PZP: variants seen among roughly 807,000 people sequenced by gnomAD.
PZP encodes PZP alpha-2-macroglobulin like.
In PZP, 150 loss-of-function variants were observed where a neutral mutation model predicts 179.8. That is an observed-to-expected ratio of 0.83 (90% CI 0.73 to 0.96). The LOEUF is 0.96. PZP is among the 40% of genes least tolerant of loss of function. PZP has a pLI of 0.00. For synonymous variants in PZP, 624 were observed against 652.3 expected (o/e 0.96, Z 0.66); for missense variants, 1,689 against 1,764.0 (o/e 0.96, Z 0.76).
the PZP span, among the ~76,000 whole-genome samples, chr12:9,143,827 G>C: frequency 6.6e-6 from 1 of 152,200 alleles, no homozygotes; most frequent in Non-Finnish European, 1.5e-5. Flanking sequence ...TCAGTGGAGA[G>C]GACATAGGAA....
the PZP span, among the ~76,000 whole-genome samples, chr12:9,138,002 G>C: frequency 6.6e-6 from 1 of 151,928 alleles, no homozygotes; most frequent in Non-Finnish European, 1.5e-5. Flanking sequence ...GATTTGGTAG[G>C]CTTTAATTTA....
chr12:9,188,621 AC>A (rs1299161842), intron 13 of PZP, among the ~76,000 whole-genome samples: 2 of 152,168 alleles, frequency 1.3e-5, no homozygotes, highest in Non-Finnish European at 2.9e-5. Context: ...TATCTAGAAA[AC>A]CCCATAGTGT....
intron 32 of PZP, among the ~76,000 whole-genome samples, 173 bp from the exon 33 acceptor site, chr12:9,151,845 C>T (rs1407542373): frequency 6.6e-6 from 1 of 152,196 alleles, no homozygotes; most frequent in Non-Finnish European, 1.5e-5. Context: ...CACATTAGAG[C>T]CTCTGGCATC....
the PZP span, among the ~76,000 whole-genome samples, chr12:9,137,945 A>G: frequency 6.6e-5 from 10 of 152,228 alleles, no homozygotes; most frequent in Non-Finnish European, 1.2e-4. Context: ...TTTAATACAT[A>G]ATATAATGGC....
chr12:9,189,448 A>T (rs1372101756), intron 13 of PZP, among the ~76,000 whole-genome samples: 1 of 152,226 alleles, frequency 6.6e-6, no homozygotes, highest in Non-Finnish European at 1.5e-5. Flanking sequence ...TAGGCAGAAG[A>T]TTGAAACTGG....
At chr12:9,179,338 GAT>G (rs1330583263) in intron 15 of PZP, among the ~76,000 whole-genome samples, 3 of 152,110 alleles carry the variant, frequency 2.0e-5, no homozygotes, top group African/African-American at 7.2e-5. Flanking sequence ...CAAGGACTGT[GAT>G]ATGTTTCCTT....
In PZP at chr12:9,166,143, G is replaced by A; in HGVS notation, c.2167C>T (p.Pro723Ser). 6.2e-7 allele frequency: 1 copy of A among 1,613,862 alleles called. No homozygotes were observed. The change falls in exon 18 of 36, where the codon CCC becomes TCC. Residue 723 changes from proline to serine, a missense_variant. Around this residue, in one of 3 missense-constraint regions of PZP, gnomAD observed 201 missense variants for 284.2 expected, o/e 0.71. Coordinates refer to ENST00000261336, the MANE Select transcript of PZP (RefSeq NM_002864.3). ...CCTGAACTTTGTTCATTATTTAAGG[G>A]TATCACATTATATGTGCCTAATTGA... ...VPQLGTYNVI[P>S]LNNEQSSGPV...
At chr12:9,160,250 C>A (rs987469446) in intron 24 of PZP, 64 bp downstream of exon 24, 9 of 1,431,122 alleles carry the variant, frequency 6.3e-6, no homozygotes, top group Non-Finnish European at 8.6e-6. Context: ...GATGATATAA[C>A]TGAAGCTTAA....
At chr12:9,206,032 G>C (rs1319884595) in intron 1 of PZP, among the ~76,000 whole-genome samples, 1 of 152,136 alleles carries the variant, frequency 6.6e-6, no homozygotes, top group Non-Finnish European at 1.5e-5. Context: ...TGAGTAGTAA[G>C]GTTTTGTTCT....
intron 18 of PZP, 28 bp downstream of exon 18, chr12:9,166,024 G>A (rs759766880): frequency 6.3e-7 from 1 of 1,580,392 alleles, no homozygotes; most frequent in Non-Finnish European, 8.6e-7. Context: ...CTCCCCTCCA[G>A]CAAATGGAGG....
chr12:9,192,313 C>T, intron 12 of PZP, 57 bp from the exon 13 acceptor site: 1 of 1,526,060 alleles, frequency 6.6e-7, no homozygotes, highest in Non-Finnish European at 9.1e-7. Flanking sequence ...TCTCAGCCTT[C>T]TATTCCCCAC....
the PZP span, among the ~76,000 whole-genome samples, chr12:9,142,872 T>C: frequency 6.6e-6 from 1 of 152,188 alleles, no homozygotes; most frequent in Admixed American, 6.5e-5. Context: ...CAAATGGGAT[T>C]TGTGGCAACT....
chr12:9,194,346 C>G, intron 10 of PZP, 108 bp from the exon 11 acceptor site: 1 of 981,502 alleles, frequency 1.0e-6, no homozygotes, highest in Non-Finnish European at 1.5e-6. Context: ...ACCTCCCCCT[C>G]AAAAAAACCC....
intron 13 of PZP, among the ~76,000 whole-genome samples, chr12:9,188,032 G>A (rs747957897): frequency 6.6e-6 from 1 of 152,318 alleles, no homozygotes; most frequent in African/African-American, 2.4e-5. Flanking sequence ...AAAATAGTCT[G>A]GCCAAACGTC....
At chr12:9,207,849 G>A (rs1312027529) in intron 1 of PZP, among the ~76,000 whole-genome samples, 3 of 152,100 alleles carry the variant, frequency 2.0e-5, no homozygotes. Flanking sequence ...GGGGGCTGTT[G>A]GTGAAGACTT....
At chr12:9,202,285 C>T (rs1434042898) in intron 4 of PZP, 34 bp downstream of exon 4, 2 of 1,578,966 alleles carry the variant, frequency 1.3e-6, no homozygotes, top group East Asian at 2.2e-5. Context: ...TCCCACTCTA[C>T]CCACAACCCA....
In PZP at chr12:9,162,641, C is replaced by T. The variant is rs561088738; in HGVS notation, c.2744G>A (p.Gly915Asp). ...ACTGAAAGTCTTTTCTTGCTCAATACCTTCAGCCTTGGATGAAAGGAAAGA... is the reference window on the plus strand; with the variant it reads ...ACTGAAAGTCTTTTCTTGCTCAATATCTTCAGCCTTGGATGAAAGGAAAGA... ...VIKTLLVEAE[G>D]IEQEKTFSSM... The change falls in exon 22 of 36, where the codon GGT becomes GAT. Residue 915 changes from glycine (G) to aspartate (D), a missense_variant. This residue lies in a region of PZP where 746 missense variants were observed against 749.2 expected (regional missense o/e 1.00). Transcript: ENST00000261336. 5.0e-6 allele frequency: 8 copies of T among 1,592,328 alleles called. No homozygotes were observed. The East Asian group carries it at 1.1e-4, about 22-fold the overall frequency.
At chr12:9,159,497 A>G (rs780720710) in intron 25 of PZP, among the ~76,000 whole-genome samples, 6 of 152,146 alleles carry the variant, frequency 3.9e-5, no homozygotes, top group Non-Finnish European at 8.8e-5. Context: ...GGAGCCTTTA[A>G]GAGGTGATTG....
chr12:9,166,082 T>G lies in PZP; in HGVS notation c.2228A>C (p.Glu743Ala). 6.2e-7 allele frequency: 1 copy of G among 1,610,734 alleles called. No individual in the cohort carries two copies. The highest frequency in any genetic ancestry group is 8.5e-7 in the Non-Finnish European group (1 of 1,179,300). Residue 743 changes from glutamate (E) to alanine (A), a missense_variant, in exon 18 of 36, where the codon GAG becomes GCG. Physicochemically the swap from Glu to Ala is moderately radical, Grantham distance 107. Around this residue, in one of 3 missense-constraint regions of PZP, gnomAD observed 201 missense variants for 284.2 expected, o/e 0.71. Transcript: ENST00000261336. ...TGCCACCAACTCCCAGATCCAAGTC[T>G]CAGGAAAATAGCTTCGCACCGTTTC... The part of the protein sequence containing the change: ...VPETVRSYFP[E>A]TWIWELVAVN...
Sources: allele counts gnomAD v4.1 joint callset (sites outside exome capture counted in the v4.1 genomes callset), GRCh38; gene constraint gnomAD v4.1.1; regional missense constraint gnomAD v4.1.1; transcripts MANE v1.5; gene names NCBI Gene and HGNC (gene_info 2026-07-23, HGNC 2026-07-21).